TUSC3: variants seen among roughly 807,000 people sequenced by gnomAD.
TUSC3 encodes tumor suppressor candidate 3.
TUSC3 carries 45 observed loss-of-function variants against 44.8 expected under a neutral mutation model. The ratio of observed to expected loss-of-function variants is 1.00; its 90% CI spans 0.79 to 1.29. The LOEUF (loss-of-function observed/expected upper bound fraction) is 1.29. Among genes scored for constraint, TUSC3 ranks in the 50% most tolerant of loss-of-function variants. The pLI is 0.00. For synonymous variants in TUSC3, 212 were observed against 152.9 expected, an observed-to-expected ratio of 1.39 and a Z score of -2.85; for missense variants, 519 against 437.9, an observed-to-expected ratio of 1.19 and a Z score of -1.65.
At chr8:15,759,162 C>G (rs1812062371) in intron 10 of TUSC3, among the ~76,000 whole-genome samples, 2 of 152,188 alleles carry the variant, frequency 1.3e-5, no homozygotes, top group Admixed American at 6.5e-5. Context: ...AATTCAACCA[C>G]TGGCCTATCT....
At position 15,696,150 on chromosome 8, in the gene TUSC3, C is replaced by T. The variant is rs182447460; in HGVS notation, c.798+22314C>T. ...TCAGGGCAGCCTTTCCCATCACAGG[C>T]CCAGAGGCCTAGGAGGCAAAAATAG... On this transcript the variant is annotated intron_variant, in intron 6 of 10. Transcript: ENST00000503731. Among the ~76,000 whole-genome samples, 16 of 152,260 alleles carry T rather than the reference C, an allele frequency of 1.1e-4. No individual in the cohort carries two copies. In the East Asian group the frequency reaches 2.9e-3, roughly 28 times the overall value.
At chr8:15,816,684 C>G in the TUSC3 span, among the ~76,000 whole-genome samples, 1 of 152,130 alleles carries the variant, frequency 6.6e-6, no homozygotes, top group African/African-American at 2.4e-5. Flanking sequence ...TTTTTAGTAC[C>G]TAGAACAAAA....
At chr8:15,647,595 C>G (rs1303766722) in intron 2 of TUSC3, among the ~76,000 whole-genome samples, 2 of 152,158 alleles carry the variant, frequency 1.3e-5, no homozygotes, top group Non-Finnish European at 2.9e-5. Flanking sequence ...TGCTACCTCA[C>G]TCACTGCATT....
At chr8:15,486,528 T>G (rs964010913) in intron 2 of TUSC3, among the ~76,000 whole-genome samples, 3 of 152,182 alleles carry the variant, frequency 2.0e-5, no homozygotes, top group Non-Finnish European at 4.4e-5. Flanking sequence ...CACTGCAACC[T>G]CCGCCTCCCA....
the TUSC3 span, among the ~76,000 whole-genome samples, chr8:15,802,085 C>T: frequency 7.9e-5 from 12 of 152,152 alleles, no homozygotes; most frequent in Non-Finnish European, 1.5e-5. Context: ...ACACGTGACT[C>T]TTGTTCCGTT....
At chr8:15,740,792 G>A (rs1020434081) in intron 7 of TUSC3, among the ~76,000 whole-genome samples, 3 of 152,092 alleles carry the variant, frequency 2.0e-5, no homozygotes, top group African/African-American at 7.2e-5. Flanking sequence ...ATAGACCGTG[G>A]AGAAAATATT....
intron 1 of TUSC3, among the ~76,000 whole-genome samples, chr8:15,571,236 G>A (rs886826778): frequency 6.6e-6 from 1 of 151,924 alleles, no homozygotes; most frequent in African/African-American, 2.4e-5. Context: ...TTACAGGCGT[G>A]AGCCGCTGCT....
At chr8:15,617,132 G>A (rs1340370632) in intron 1 of TUSC3, among the ~76,000 whole-genome samples, 2 of 77,612 alleles carry the variant, frequency 2.6e-5, no homozygotes, top group African/African-American at 8.6e-5. Flanking sequence ...GTGTGTGTGT[G>A]TATATATTTT....
chr8:15,463,545 C>T (rs532965455), intron 1 of TUSC3, among the ~76,000 whole-genome samples: 2 of 152,158 alleles, frequency 1.3e-5, no homozygotes, highest in East Asian at 3.9e-4. Flanking sequence ...CAAATGAATA[C>T]CTGAGTGGCA....
intron 1 of TUSC3, among the ~76,000 whole-genome samples, chr8:15,553,659 C>G (rs1802133043): frequency 6.6e-6 from 1 of 151,546 alleles, no homozygotes; most frequent in African/African-American, 2.4e-5. Flanking sequence ...ACAGTGAACA[C>G]TAGAATGTGG....
intron 1 of TUSC3, among the ~76,000 whole-genome samples, chr8:15,479,308 T>G (rs1239356856): frequency 6.6e-6 from 1 of 152,192 alleles, no homozygotes; most frequent in Non-Finnish European, 1.5e-5. Flanking sequence ...TTTGTCAATT[T>G]TTGCTTTTGT....
the TUSC3 span, among the ~76,000 whole-genome samples, chr8:15,844,013 T>C: frequency 1.3e-5 from 2 of 152,150 alleles, no homozygotes; most frequent in Non-Finnish European, 2.9e-5. Context: ...AATTCCCTTC[T>C]CAAATATCCT....
the TUSC3 span, among the ~76,000 whole-genome samples, chr8:15,794,610 A>G: frequency 0.037 from 5,627 of 152,220 alleles, 108 homozygotes; most frequent in African/African-American, 0.053. Context: ...CCAGAATAAC[A>G]GGATTTTTTT....
chr8:15,773,638 A>AAAAG, the TUSC3 span, among the ~76,000 whole-genome samples: 1 of 152,210 alleles, frequency 6.6e-6, no homozygotes, highest in Non-Finnish European at 1.5e-5. Context: ...CATTTATTGA[A>AAAAG]AAAGAACCAA....
intron 1 of TUSC3, among the ~76,000 whole-genome samples, chr8:15,464,644 AT>A (rs1374879789): frequency 2.0e-5 from 3 of 152,098 alleles, no homozygotes; most frequent in Non-Finnish European, 2.9e-5. Flanking sequence ...GTTAGCTTTA[AT>A]TTTTCAGTTG....
intron 6 of TUSC3, among the ~76,000 whole-genome samples, chr8:15,682,760 GT>G (rs1808476346): frequency 6.7e-6 from 1 of 149,326 alleles, no homozygotes; most frequent in Non-Finnish European, 1.5e-5. Context: ...GTGCTTATGT[GT>G]GTTTCTGTGG....
chr8:15,443,546 T>G (rs906363007), intron 1 of TUSC3, among the ~76,000 whole-genome samples: 2 of 152,114 alleles, frequency 1.3e-5, no homozygotes, highest in African/African-American at 4.8e-5. Context: ...CGAATCCATC[T>G]TGCTTCTAAC....
chr8:15,633,646 T>C (rs904103812), intron 2 of TUSC3, among the ~76,000 whole-genome samples: 1 of 152,172 alleles, frequency 6.6e-6, no homozygotes, highest in Non-Finnish European at 1.5e-5. Flanking sequence ...GATTGCCTTT[T>C]GATGGCAGAG....
chr8:15,606,092 G>A (rs1055577304), intron 1 of TUSC3, among the ~76,000 whole-genome samples: 9 of 151,926 alleles, frequency 5.9e-5, no homozygotes. Context: ...ATGCCACTAG[G>A]GATGCTGGAG....
Sources: gnomAD v4.1 joint callset for allele counts (sites outside exome capture counted in the v4.1 genomes callset) on GRCh38, gnomAD v4.1.1 for gene constraint, MANE v1.5 for transcripts, NCBI Gene and HGNC (gene_info 2026-07-23, HGNC 2026-07-21) for gene names.